GALNT13: variants seen among roughly 807,000 people sequenced by gnomAD.
The protein encoded by GALNT13 is UDP-GalNAc:polypeptide N-acetylgalactosaminyltransferase 13.
In GALNT13, 28 loss-of-function variants were observed where a neutral mutation model predicts 64.2. The ratio of observed to expected loss-of-function variants is 0.44; its 90% confidence interval spans 0.32 to 0.60. The LOEUF (loss-of-function observed/expected upper bound fraction) is 0.60, where lower values mean the gene tolerates loss of function less well. Among genes scored for constraint, GALNT13 ranks in the 20% least tolerant of loss-of-function variants. The pLI is 0.05. For missense variants in GALNT13, 577 were observed against 669.8 expected (o/e 0.86, Z 1.53); for synonymous variants, 214 against 224.6 (o/e 0.95, Z 0.42).
intron 3 of GALNT13, among the ~76,000 whole-genome samples, chr2:154,078,764 G>C (rs1391915235): frequency 6.6e-6 from 1 of 151,538 alleles, no homozygotes; most frequent in Non-Finnish European, 1.5e-5. Context: ...ACATATGTTT[G>C]TATTCACACA....
chr2:153,511,122 G>C, the GALNT13 span, among the ~76,000 whole-genome samples: 2 of 151,990 alleles, frequency 1.3e-5, no homozygotes, highest in Admixed American at 1.3e-4. Flanking sequence ...TGGAGGAGGA[G>C]GATTCTTAAA....
chr2:153,571,613 A>G, the GALNT13 span, among the ~76,000 whole-genome samples: 1 of 151,862 alleles, frequency 6.6e-6, no homozygotes, highest in Non-Finnish European at 1.5e-5. Flanking sequence ...TCATATTGAC[A>G]TATGTTCCTT....
At chr2:153,611,686 T>G in the GALNT13 span, among the ~76,000 whole-genome samples, 2 of 105,000 alleles carry the variant, frequency 1.9e-5, no homozygotes, top group Non-Finnish European at 4.2e-5. Context: ...TACCTTTTTT[T>G]TTTTTTTTTT....
the GALNT13 span, among the ~76,000 whole-genome samples, chr2:153,339,972 T>C: frequency 6.6e-6 from 1 of 152,322 alleles, no homozygotes; most frequent in African/African-American, 2.4e-5. Flanking sequence ...CCTGTTTTTA[T>C]GCCTGTAACA....
At chr2:154,348,984 A>G (rs1241713674) in intron 9 of GALNT13, among the ~76,000 whole-genome samples, 1 of 152,242 alleles carries the variant, frequency 6.6e-6, no homozygotes, top group Non-Finnish European at 1.5e-5. Flanking sequence ...AAATTTCAAG[A>G]TAACATTTGT....
chr2:153,401,637 T>C, the GALNT13 span, among the ~76,000 whole-genome samples: 1 of 149,484 alleles, frequency 6.7e-6, no homozygotes, highest in South Asian at 2.1e-4. Flanking sequence ...ATATTTAGGA[T>C]AGTTAGCTCT....
chr2:153,069,815 T>C, the GALNT13 span, among the ~76,000 whole-genome samples: 4 of 152,230 alleles, frequency 2.6e-5, no homozygotes, highest in African/African-American at 9.6e-5. Context: ...CAGGCACATT[T>C]ATCTCCTTTA....
chr2:153,227,431 G>C, the GALNT13 span, among the ~76,000 whole-genome samples: 1 of 152,148 alleles, frequency 6.6e-6, no homozygotes, highest in East Asian at 1.9e-4. Context: ...AAGACCATTA[G>C]AGGTGATGAG....
the GALNT13 span, among the ~76,000 whole-genome samples, chr2:153,142,234 G>A: frequency 6.6e-6 from 1 of 152,004 alleles, no homozygotes; most frequent in Non-Finnish European, 1.5e-5. Context: ...ACCCCTGGAG[G>A]GGAAGTGGCT....
At chr2:153,388,948 C>T in the GALNT13 span, among the ~76,000 whole-genome samples, 6 of 152,056 alleles carry the variant, frequency 3.9e-5, no homozygotes, top group Non-Finnish European at 5.9e-5. Context: ...GTAGAAGTAG[C>T]TCCTCAGATA....
At chr2:153,996,036 C>G (rs1259843485) in intron 3 of GALNT13, among the ~76,000 whole-genome samples, 7 of 152,152 alleles carry the variant, frequency 4.6e-5, no homozygotes, top group Non-Finnish European at 1.0e-4. Flanking sequence ...GAATAGCATT[C>G]CAGTGTGTAA....
At chr2:153,435,041 T>G in the GALNT13 span, among the ~76,000 whole-genome samples, 1 of 152,232 alleles carries the variant, frequency 6.6e-6, no homozygotes, top group African/African-American at 2.4e-5. Flanking sequence ...TTCAGCTTTC[T>G]ACATATGGCT....
chr2:153,094,012 C>A, the GALNT13 span, among the ~76,000 whole-genome samples: 50,709 of 151,880 alleles, frequency 0.33, 9,375 homozygotes, highest in Non-Finnish European at 0.44. Flanking sequence ...TCTGCAGTAT[C>A]AATTGTAATG....
At chr2:153,993,916 T>G (rs901669412) in intron 3 of GALNT13, among the ~76,000 whole-genome samples, 8 of 151,980 alleles carry the variant, frequency 5.3e-5, no homozygotes, top group African/African-American at 1.9e-4. Flanking sequence ...ATTGTTTTCT[T>G]TTTTTTGTTA....
the GALNT13 span, among the ~76,000 whole-genome samples, chr2:153,206,213 C>T: frequency 1.3e-5 from 2 of 152,018 alleles, no homozygotes; most frequent in Non-Finnish European, 2.9e-5. Flanking sequence ...GATATTTAGA[C>T]ACTAGAGTTT....
chr2:153,414,979 TATAA>T, the GALNT13 span, among the ~76,000 whole-genome samples: 4 of 151,886 alleles, frequency 2.6e-5, no homozygotes, highest in Admixed American at 1.3e-4. Context: ...CATCATCTAC[TATAA>T]TTGCTTTGCT....
chr2:153,790,126 A>G, the GALNT13 span, among the ~76,000 whole-genome samples: 440 of 152,280 alleles, frequency 2.9e-3, 2 homozygotes, highest in South Asian at 0.011. Flanking sequence ...CAGAGACAAA[A>G]CAAAAAAGAA....
intron 4 of GALNT13, 23 bp downstream of exon 4, chr2:154,140,528 ATCTT>A: frequency 6.7e-7 from 1 of 1,496,568 alleles, no homozygotes; most frequent in Non-Finnish European, 9.2e-7. Flanking sequence ...TTGTTATATA[ATCTT>A]TTATATTCAT....
chr2:153,856,579 G>T, the GALNT13 span, among the ~76,000 whole-genome samples: 1 of 152,068 alleles, frequency 6.6e-6, no homozygotes, highest in Non-Finnish European at 1.5e-5. Context: ...TCAAAATGAG[G>T]TAAATCCGAA....
Sources: allele counts gnomAD v4.1 joint callset (sites outside exome capture counted in the v4.1 genomes callset), GRCh38; gene constraint gnomAD v4.1.1; transcripts MANE v1.5; gene names NCBI Gene and HGNC (gene_info 2026-07-23, HGNC 2026-07-21).